The following USP16 variants were observed in gnomAD, a reference collection of about 807,000 sequenced individuals.
USP16 encodes the protein ubiquitin specific peptidase 16.
In USP16, 77 loss-of-function variants were observed where a neutral mutation model predicts 95.9. The observed-to-expected ratio is 0.80, with a 90% CI of 0.67 to 0.97. The LOEUF is 0.97. Ranked by LOEUF, USP16 falls within the 50% of genes least tolerant of loss-of-function variation. The pLI is 0.00. For synonymous variants in USP16, 303 were observed against 318.2 expected (o/e 0.95, Z 0.51); for missense variants, 943 against 959.9 (o/e 0.98, Z 0.23).
chr21:29,039,172 G>A lies in USP16; in HGVS notation c.863+16G>A, dbSNP rs530112880. 24 of 1,487,586 alleles carry A rather than the reference G, an allele frequency of 1.6e-5. No homozygotes were observed. The highest frequency in any genetic ancestry group is 1.2e-4 in the South Asian group (8 of 66,800). 92.1% of individuals were successfully genotyped at this position (1,487,586 alleles called of 1,614,324 possible). On this transcript the variant is annotated intron_variant, in intron 8 of 17. Coordinates refer to ENST00000399976, the MANE Select transcript of USP16 (RefSeq NM_006447.3). Reference sequence around the variant, plus strand: ...TCTGTAAAAAGTGAGTATCCACTTCGATTGTGCTTTCAGTGCCTCAGTGAG... The same window carrying A: ...TCTGTAAAAAGTGAGTATCCACTTCAATTGTGCTTTCAGTGCCTCAGTGAG...
chr21:29,032,022 T>G (rs2085084446), intron 3 of USP16, among the ~76,000 whole-genome samples: 1 of 151,542 alleles, frequency 6.6e-6, no homozygotes, highest in Non-Finnish European at 1.5e-5. Flanking sequence ...CTGTGTAGAT[T>G]ATTCACCACC....
Position 29,050,182 on chromosome 21 carries a change from A to G in USP16, c.2193+4A>G. On this transcript the variant is annotated splice_donor_region_variant and intron_variant, in intron 16 of 17. Coordinates refer to ENST00000399976, the MANE Select transcript of USP16 (RefSeq NM_006447.3). ...TTTTTGCACCCTTAAATGTAAGGTA[A>G]GTCAAAGTGGTCTTTTTCAGGAAAG... The G allele has an allele frequency of 1.2e-6, 2 of 1,611,800 alleles. No homozygotes were observed. The highest frequency in any genetic ancestry group is 1.7e-6 in the Non-Finnish European group (2 of 1,179,486).
chr21:29,054,010 A>C, intron 17 of USP16, 52 bp downstream of exon 17: 1 of 1,613,048 alleles, frequency 6.2e-7, no homozygotes, highest in South Asian at 1.1e-5. Context: ...CAAAACCAAA[A>C]AGTAATCAAC....
chr21:29,040,829 C>T, intron 10 of USP16, 142 bp downstream of exon 10: 1 of 404,412 alleles, frequency 2.5e-6, no homozygotes, highest in South Asian at 5.4e-5. Context: ...AAAAATTATT[C>T]AGTGCTCCAG....
At position 29,037,303 on chromosome 21, in the gene USP16, T is replaced by C; in HGVS notation, c.476T>C (p.Leu159Pro). ...PAEKDNGNIE[L>P]ENKKLEKESK... Reference sequence around the variant, plus strand: ...GAGAAAGATAATGGAAATATTGAACTTGAAAATAAAAAATTAGAAAAAGAG... The same window carrying C: ...GAGAAAGATAATGGAAATATTGAACCTGAAAATAAAAAATTAGAAAAAGAG... Residue 159 changes from leucine to proline, a missense_variant, in exon 6 of 18, where the codon CTT (leucine) becomes CCT (proline). Coordinates refer to ENST00000399976, the MANE Select transcript of USP16 (RefSeq NM_006447.3). 1 of 1,556,260 alleles carries C rather than the reference T, an allele frequency of 6.4e-7. No homozygotes were observed. Among genetic ancestry groups the C allele is most frequent in the South Asian group, 1.2e-5 (1 of 83,482 alleles).
chr21:29,047,355 T>C lies in USP16; in HGVS notation c.2011+34T>C, dbSNP rs373038005. On this transcript the variant is annotated intron_variant, in intron 14 of 17. Transcript: ENST00000399976. ...ATGCTCTCACTGTAAGTAAAATTAA[T>C]ATTCAGGGGCACATTTTGCACTGCA... The C allele has an allele frequency of 1.9e-6, 3 of 1,568,612 alleles. No individual in the cohort carries two copies. In the African/African-American group the frequency reaches 4.1e-5, roughly 21 times the overall value.
chr21:29,025,457 A>G (rs2084972747), intron 1 of USP16, among the ~76,000 whole-genome samples: 1 of 152,242 alleles, frequency 6.6e-6, no homozygotes, highest in Non-Finnish European at 1.5e-5. Flanking sequence ...GATGTTTTAT[A>G]GCTGATGGAA....
At chr21:29,051,113 C>A (rs1002459508) in intron 16 of USP16, among the ~76,000 whole-genome samples, 4 of 151,932 alleles carry the variant, frequency 2.6e-5, no homozygotes, top group African/African-American at 9.7e-5. Flanking sequence ...CTGAGGGTGG[C>A]AGAGAAAGGG....
chr21:29,039,959 G>T (rs1372291404), intron 9 of USP16, among the ~76,000 whole-genome samples: 1 of 152,090 alleles, frequency 6.6e-6, no homozygotes, highest in African/African-American at 2.4e-5. Flanking sequence ...TTTTCATTTT[G>T]TAAGAGTCAG....
At chr21:29,042,725 T>C (rs1175044986) in intron 12 of USP16, 197 bp downstream of exon 12, 27 of 503,752 alleles carry the variant, frequency 5.4e-5, no homozygotes, top group Non-Finnish European at 8.5e-5. Context: ...GAAAAAAAGA[T>C]GATGTATTCA....
intron 3 of USP16, among the ~76,000 whole-genome samples, chr21:29,032,903 T>C (rs992489813): frequency 1.3e-5 from 2 of 152,252 alleles, no homozygotes; most frequent in African/African-American, 4.8e-5. Context: ...AGTGTATGAA[T>C]GATTCACTTT....
intron 13 of USP16, among the ~76,000 whole-genome samples, chr21:29,043,899 A>T (rs2085282182): frequency 6.6e-6 from 1 of 152,118 alleles, no homozygotes; most frequent in Admixed American, 6.6e-5. Context: ...TTAAAAATAT[A>T]TAAAGGTAAA....
intron 14 of USP16, among the ~76,000 whole-genome samples, chr21:29,048,374 A>G (rs1018609071): frequency 6.6e-6 from 1 of 152,028 alleles, no homozygotes; most frequent in Admixed American, 6.6e-5. Flanking sequence ...GAGCCATCGC[A>G]CCCAGCCTAA....
chr21:29,033,878 G>A (rs181598513), intron 3 of USP16, among the ~76,000 whole-genome samples: 109 of 152,340 alleles, frequency 7.2e-4, no homozygotes, highest in African/African-American at 2.6e-3. Flanking sequence ...TGGCTTTTGA[G>A]CAAGATCTTG....
Position 29,050,193 on chromosome 21 carries a change from T to C in USP16, c.2193+15T>C. ...TTAAATGTAAGGTAAGTCAAAGTGG[T>C]CTTTTTCAGGAAAGTCCTTTAAAGT... On this transcript the variant is annotated intron_variant, in intron 16 of 17. Coordinates refer to ENST00000399976, the MANE Select transcript of USP16 (RefSeq NM_006447.3). The C allele has an allele frequency of 6.2e-7, 1 of 1,609,386 alleles. No individual in the cohort carries two copies.
intron 3 of USP16, among the ~76,000 whole-genome samples, chr21:29,032,423 G>A (rs1196550019): frequency 1.3e-5 from 2 of 151,986 alleles, no homozygotes; most frequent in Admixed American, 6.6e-5. Flanking sequence ...CTAAAGATGC[G>A]GTTTTGGTAT....
chr21:29,026,258 C>T (rs2084984994), intron 1 of USP16, among the ~76,000 whole-genome samples: 1 of 151,954 alleles, frequency 6.6e-6, no homozygotes, highest in Non-Finnish European at 1.5e-5. Flanking sequence ...GGAGTTCAGA[C>T]CAGCATGGCC....
At chr21:29,042,257 C>T (rs1404009695) in intron 11 of USP16, among the ~76,000 whole-genome samples, 153 bp downstream of exon 11, 1 of 152,094 alleles carries the variant, frequency 6.6e-6, no homozygotes, top group Non-Finnish European at 1.5e-5. Flanking sequence ...TGGGAAATGT[C>T]AGCACTCCTT....
At position 29,044,591 on chromosome 21, in the gene USP16, G is replaced by T. The variant is rs146370623; in HGVS notation, c.1356+992G>T. On this transcript the variant is annotated intron_variant, in intron 13 of 17. Coordinates refer to ENST00000399976, the MANE Select transcript of USP16 (RefSeq NM_006447.3). ...GCCTCCCAAGTAGCTGGGATTACAG[G>T]CATGTGCCACCGTACCTGGCTAACT... Among the ~76,000 whole-genome samples, 792 of 152,082 alleles carry T rather than the reference G, an allele frequency of 5.2e-3. 7 individuals are homozygous for T. Among genetic ancestry groups the T allele is most frequent in the African/African-American group, 0.018 (752 of 41,494 alleles).
Sources: allele counts gnomAD v4.1 joint callset (sites outside exome capture counted in the v4.1 genomes callset), GRCh38; gene constraint gnomAD v4.1.1; transcripts MANE v1.5; gene names NCBI Gene and HGNC (gene_info 2026-07-23, HGNC 2026-07-21).